The following IQSEC1 variants were observed in gnomAD, a reference collection of about 807,000 sequenced individuals.
The protein encoded by IQSEC1 is IQ motif and SEC7 domain-containing protein 1.
Under a neutral mutation model 91.0 loss-of-function variants are expected in IQSEC1, and 31 were observed. The observed-to-expected ratio is 0.34, with a 90% CI of 0.26 to 0.46. IQSEC1 has a LOEUF of 0.46. Ranked by LOEUF, IQSEC1 falls within the 20% of genes least tolerant of loss-of-function variation. The pLI, the probability that IQSEC1 is intolerant of heterozygous loss-of-function variation, is 1.00. For synonymous variants in IQSEC1, 699 were observed against 662.6 expected (o/e 1.05, Z -0.84); for missense variants, 1,388 against 1,575.6 (o/e 0.88, Z 2.02).
At chr3:12,988,538 C>A (rs1266586455) in intron 1 of IQSEC1, among the ~76,000 whole-genome samples, 1 of 152,192 alleles carries the variant, frequency 6.6e-6, no homozygotes, top group African/African-American at 2.4e-5. Context: ...GAACAAATAT[C>A]CACAGCCTGT....
intron 2 of IQSEC1, among the ~76,000 whole-genome samples, chr3:13,158,592 A>G (rs1193064432): frequency 6.6e-6 from 1 of 152,158 alleles, no homozygotes; most frequent in Non-Finnish European, 1.5e-5. Context: ...CCCAGCCCTG[A>G]GCCTTGCTGT....
chr3:13,200,189 TAC>T (rs1186984943), intron 1 of IQSEC1, among the ~76,000 whole-genome samples: 2 of 142,074 alleles, frequency 1.4e-5, no homozygotes, highest in Non-Finnish European at 3.0e-5. Flanking sequence ...AACACACACA[TAC>T]ACAAACACAT....
chr3:13,183,275 G>A (rs766978185), intron 1 of IQSEC1, among the ~76,000 whole-genome samples: 2 of 152,020 alleles, frequency 1.3e-5, no homozygotes, highest in Non-Finnish European at 2.9e-5. Context: ...GTAGAAAGGA[G>A]TAAATCATAA....
chr3:12,915,976 C>T (rs867244902), intron 6 of IQSEC1, among the ~76,000 whole-genome samples: 2 of 152,186 alleles, frequency 1.3e-5, no homozygotes, highest in Non-Finnish European at 2.9e-5. Flanking sequence ...TGAGCCACCT[C>T]TAAGCCATTT....
intron 1 of IQSEC1, among the ~76,000 whole-genome samples, chr3:13,239,416 C>A (rs1025117895): frequency 6.6e-6 from 1 of 152,246 alleles, no homozygotes; most frequent in African/African-American, 2.4e-5. Flanking sequence ...CTCACCATCT[C>A]GGGCCTGCTT....
At chr3:12,917,249 C>T (rs974082121) in intron 6 of IQSEC1, among the ~76,000 whole-genome samples, 1 of 152,140 alleles carries the variant, frequency 6.6e-6, no homozygotes, top group African/African-American at 2.4e-5. Context: ...GACACATCAG[C>T]GTCACCCGAG....
chr3:13,279,028 G>C (rs768085550), intron 1 of IQSEC1, among the ~76,000 whole-genome samples: 2 of 152,144 alleles, frequency 1.3e-5, no homozygotes, highest in Non-Finnish European at 2.9e-5. Context: ...CCTGACCAAG[G>C]CATAGACCGT....
rs1412713726 is a variant in IQSEC1 at position 12,935,770 on chromosome 3, G to A, written c.1246C>T (p.Leu416Phe). The part of the protein sequence containing the change: ...HGPHSGAPKS[L>F]PREEPELRPR... ...CGCAACTCAGGCTCCTCCCGGGGGA[G>A]GCTCTTGGGGGCGCCGCTGTGGGGA... The change falls in exon 3 of 14, where the codon CTC (leucine) becomes TTC (phenylalanine). Residue 416 changes from leucine (L) to phenylalanine (F), a missense_variant. Transcript: ENST00000613206. This position sits in a 1 kb window ranked among gnomAD's most constrained non-coding sequence, Gnocchi z 8.0. 1.2e-6 allele frequency: 2 copies of A among 1,607,810 alleles called. No homozygotes were observed. The highest frequency in any genetic ancestry group is 1.7e-6 in the Non-Finnish European group (2 of 1,179,750).
At chr3:13,242,781 C>A (rs1243775861) in intron 1 of IQSEC1, among the ~76,000 whole-genome samples, 3 of 152,122 alleles carry the variant, frequency 2.0e-5, no homozygotes, top group South Asian at 2.1e-4. Flanking sequence ...CTTCACGTCA[C>A]CGGGACTGGT....
chr3:13,029,354 C>T (rs182158603), intron 1 of IQSEC1, among the ~76,000 whole-genome samples: 61 of 152,300 alleles, frequency 4.0e-4, no homozygotes, highest in African/African-American at 1.4e-3. Context: ...TCCACAGACA[C>T]GCCCAGGGTT....
chr3:13,076,686 C>A (rs1705568228), upstream of IQSEC1, among the ~76,000 whole-genome samples: 1 of 152,182 alleles, frequency 6.6e-6, no homozygotes, highest in South Asian at 2.1e-4. Context: ...AACTGCAAAG[C>A]CGTCAACACT....
At chr3:13,258,019 C>T (rs1695321465) in intron 1 of IQSEC1, among the ~76,000 whole-genome samples, 2 of 152,146 alleles carry the variant, frequency 1.3e-5, no homozygotes, top group African/African-American at 4.8e-5. Flanking sequence ...CATAAAAAGC[C>T]ATGGAGGAAG....
intron 2 of IQSEC1, among the ~76,000 whole-genome samples, chr3:13,101,110 A>T (rs1413527221): frequency 6.6e-6 from 1 of 152,064 alleles, no homozygotes; most frequent in Non-Finnish European, 1.5e-5. Flanking sequence ...GGGAGTGTGG[A>T]TTTTCTGCTA....
At chr3:13,235,415 G>A (rs982220751) in intron 1 of IQSEC1, among the ~76,000 whole-genome samples, 1 of 152,212 alleles carries the variant, frequency 6.6e-6, no homozygotes, top group Non-Finnish European at 1.5e-5. Context: ...GGGCTCAAAG[G>A]TGGGGAGAGC....
intron 1 of IQSEC1, among the ~76,000 whole-genome samples, chr3:13,072,531 G>A (rs1202627903): frequency 1.3e-5 from 2 of 152,208 alleles, no homozygotes; most frequent in Non-Finnish European, 2.9e-5. Flanking sequence ...GGGACGGTGG[G>A]CTGGACCTTC....
intron 1 of IQSEC1, among the ~76,000 whole-genome samples, chr3:13,032,411 G>A (rs1047804180): frequency 2.6e-5 from 4 of 152,334 alleles, no homozygotes; most frequent in East Asian, 1.9e-4. Flanking sequence ...CTGTGCTGCC[G>A]TGACTTCCGC....
At chr3:13,055,688 G>A (rs1249693951) in intron 1 of IQSEC1, among the ~76,000 whole-genome samples, 1 of 152,216 alleles carries the variant, frequency 6.6e-6, no homozygotes, top group East Asian at 1.9e-4. Context: ...GGGTAGAGTG[G>A]CGAAGCAGGG....
Position 12,983,529 on chromosome 3 carries a change from A to ATGAAG in IQSEC1, c.24-41665_24-41664insCTTCA, listed in dbSNP as rs1408890603. ...CTGCAGCCTGGCCTTCCTAGCCCCG[A>ATGAAG]GACAGAGCGGCCAGGATGAAGTGAT... is the stretch of plus-strand genomic sequence containing the variant. On this transcript the variant is annotated intron_variant, in intron 1 of 13. Transcript: ENST00000613206. This position sits in a 1 kb window ranked among gnomAD's most constrained non-coding sequence, Gnocchi z 4.3. 6.6e-6 allele frequency among the ~76,000 whole-genome samples: 1 copy of ATGAAG among 152,104 alleles called. No individual in the cohort carries two copies. Among genetic ancestry groups the ATGAAG allele is most frequent in the Non-Finnish European group, 1.5e-5 (1 of 68,008 alleles).
At chr3:13,205,108 G>C (rs1326041606) in intron 1 of IQSEC1, among the ~76,000 whole-genome samples, 1 of 151,998 alleles carries the variant, frequency 6.6e-6, no homozygotes, top group Non-Finnish European at 1.5e-5. Flanking sequence ...CGTGCTGTCC[G>C]TTTTCTACAG....
Sources: gnomAD v4.1 joint callset for allele counts (sites outside exome capture counted in the v4.1 genomes callset) on GRCh38, gnomAD v4.1.1 for gene constraint, Gnocchi (gnomAD v3.1) non-coding constraint, MANE v1.5 for transcripts, NCBI Gene and HGNC (gene_info 2026-07-23, HGNC 2026-07-21) for gene names.